POLE2: variants seen among roughly 807,000 people sequenced by gnomAD.
POLE2 encodes the protein DNA polymerase epsilon 2, accessory subunit.
Under a neutral mutation model 79.4 loss-of-function variants are expected in POLE2, and 56 were observed. The observed-to-expected ratio is 0.71, with a 90% CI of 0.57 to 0.88. POLE2 has a LOEUF of 0.88. POLE2 is among the 40% of genes least tolerant of loss of function. The pLI is 0.00. For missense variants in POLE2, 598 were observed against 638.9 expected (o/e 0.94, Z 0.69); for synonymous variants, 212 against 214.0 (o/e 0.99, Z 0.08).
chr14:49,679,695 G>C, intron 3 of POLE2, 30 bp downstream of exon 3: 2 of 1,211,088 alleles, frequency 1.7e-6, no homozygotes, highest in Non-Finnish European at 2.4e-6. Context: ...ACACCTCCAA[G>C]GAGGAAAAAA....
intron 3 of POLE2, among the ~76,000 whole-genome samples, chr14:49,675,508 T>C (rs1886210232): frequency 6.6e-6 from 1 of 152,032 alleles, no homozygotes; most frequent in African/African-American, 2.4e-5. Flanking sequence ...CTTGGCTCAC[T>C]GCAACCTCTT....
intron 2 of POLE2, among the ~76,000 whole-genome samples, 170 bp from the exon 3 acceptor site, chr14:49,679,970 C>G (rs1886583091): frequency 6.6e-6 from 1 of 152,162 alleles, no homozygotes; most frequent in African/African-American, 2.4e-5. Context: ...AGCCTTATCT[C>G]AAATACCTTC....
In POLE2 at chr14:49,665,098, G is replaced by C. The variant is rs1411349282; in HGVS notation, c.633+9C>G. 8.0e-7 allele frequency: 1 copy of C among 1,246,926 alleles called. No homozygotes were observed. Among genetic ancestry groups the C allele is most frequent in the Non-Finnish European group, 1.2e-6 (1 of 856,832 alleles). The allele number at this position is 1,246,926 out of a possible 1,614,324, so 77.2% of individuals were successfully genotyped here. ...CAGATTTTAAAAAATACAGACAAGT[G>C]AAGGATATAGCTTTACTAAGGTCTA... On this transcript the variant is annotated intron_variant, in intron 8 of 18. Transcript: ENST00000216367.
intron 3 of POLE2, among the ~76,000 whole-genome samples, chr14:49,676,688 A>G (rs1886299423): frequency 6.6e-6 from 1 of 152,230 alleles, no homozygotes; most frequent in Admixed American, 6.5e-5. Context: ...GGCCTGAGCC[A>G]TGCACCTCCT....
intron 18 of POLE2, among the ~76,000 whole-genome samples, chr14:49,646,302 G>GTTTTTTTTTTTTTTTTTTTTTTTTTTT (rs1162033821): frequency 2.4e-5 from 2 of 84,578 alleles, no homozygotes; most frequent in South Asian, 5.2e-4. Flanking sequence ...TTTTTTGTTG[G>GTTTTTTTTTTTTTTTTTTTTTTTTTTT]TTTTTTTTTT....
rs367679512 is a variant in POLE2 at position 49,672,270 on chromosome 14, T to C, written c.417+1853A>G. ...TAATTCAATAGGCAGTGAATTTCCT[T>C]GAAAGACTTCTGTACAAAACCCACG... On this transcript the variant is annotated intron_variant, in intron 5 of 18. Coordinates refer to ENST00000216367, the MANE Select transcript of POLE2 (RefSeq NM_002692.4). 2.0e-4 allele frequency among the ~76,000 whole-genome samples: 30 copies of C among 152,320 alleles called. No individual in the cohort carries two copies. The East Asian group carries it at 5.2e-3, about 26-fold the overall frequency.
chr14:49,664,115 G>A (rs990555443), intron 9 of POLE2, among the ~76,000 whole-genome samples: 20 of 151,676 alleles, frequency 1.3e-4, no homozygotes, highest in African/African-American at 4.1e-4. Context: ...TTGGGAGGCC[G>A]AGGCGGGTGG....
At chr14:49,651,886 C>T (rs1303488229) in intron 15 of POLE2, among the ~76,000 whole-genome samples, 1 of 152,002 alleles carries the variant, frequency 6.6e-6, no homozygotes, top group Non-Finnish European at 1.5e-5. Flanking sequence ...GCAAAGGGAA[C>T]AGATGGAGCC....
chr14:49,666,298 C>G, intron 7 of POLE2, 32 bp downstream of exon 7: 1 of 1,131,602 alleles, frequency 8.8e-7, no homozygotes, highest in East Asian at 2.5e-5. Context: ...AATCCAAGGC[C>G]AAAAATAAAA....
At chr14:49,667,385 A>G (rs1764114190) in intron 6 of POLE2, among the ~76,000 whole-genome samples, 1 of 152,150 alleles carries the variant, frequency 6.6e-6, no homozygotes, top group African/African-American at 2.4e-5. Flanking sequence ...TTTTCTACAT[A>G]TAGATTTCCT....
At chr14:49,657,083 A>T (rs558762060) in intron 10 of POLE2, among the ~76,000 whole-genome samples, 2 of 150,228 alleles carry the variant, frequency 1.3e-5, no homozygotes, top group Admixed American at 6.8e-5. Flanking sequence ...ACTGCACTCC[A>T]GCTTGGGCAA....
At chr14:49,673,101 C>G (rs976923271) in intron 5 of POLE2, among the ~76,000 whole-genome samples, 2 of 152,146 alleles carry the variant, frequency 1.3e-5, no homozygotes, top group Non-Finnish European at 2.9e-5. Flanking sequence ...TCCTTCACAT[C>G]CAGACAGTCA....
intron 10 of POLE2, among the ~76,000 whole-genome samples, chr14:49,656,636 GA>G (rs1038471820): frequency 5.3e-5 from 8 of 151,992 alleles, no homozygotes; most frequent in African/African-American, 1.9e-4. Context: ...GGGTCAGTAG[GA>G]AAGTGGGTAA....
chr14:49,678,242 A>G (rs1886441402), intron 3 of POLE2, among the ~76,000 whole-genome samples: 1 of 152,034 alleles, frequency 6.6e-6, no homozygotes, highest in Non-Finnish European at 1.5e-5. Context: ...ACCTCAGGTG[A>G]TCTGCCCACC....
In POLE2 at chr14:49,653,987, T is replaced by C. The variant is rs1349330162; in HGVS notation, c.1211+3A>G. On this transcript the variant is annotated splice_donor_region_variant and intron_variant, in intron 15 of 18. Transcript: ENST00000216367. ...ATGTATAACACAAAATACTAATTCT[T>C]ACCTGCAAGGATTAGTAGTAAAAAC... 6.7e-7 allele frequency: 1 copy of C among 1,501,502 alleles called. No homozygotes were observed. Among genetic ancestry groups the C allele is most frequent in the Non-Finnish European group, 9.2e-7 (1 of 1,081,288 alleles). 93.0% of individuals were successfully genotyped at this position (1,501,502 alleles called of 1,614,324 possible).
In POLE2 at chr14:49,650,416, C is replaced by T; in HGVS notation, c.1346G>A (p.Gly449Glu). 1 of 1,548,080 alleles carries T rather than the reference C, an allele frequency of 6.5e-7. No homozygotes were observed. The highest frequency in any genetic ancestry group is 8.7e-7 in the Non-Finnish European group (1 of 1,144,460). ...ATAAAGAGGTAGGGGAGTCAGATGT[C>T]CTTGGGATAAGATAGTCTTTACAAA... ...NHFVKTILSQGHLTPLPLYVC... is the reference protein window; with the variant it reads ...NHFVKTILSQEHLTPLPLYVC... The change falls in exon 17 of 19, where the codon GGA becomes GAA. Residue 449 changes from glycine to glutamate, a missense_variant. By Grantham distance (98) the Gly-to-Glu change is moderately conservative. Transcript: ENST00000216367.
At position 49,683,700 on chromosome 14, in the gene POLE2, A is replaced by C. The variant is rs111244564; in HGVS notation, c.69-7T>G. On this transcript the variant is annotated splice_polypyrimidine_tract_variant and splice_region_variant and intron_variant, in intron 1 of 18. Coordinates refer to ENST00000216367, the MANE Select transcript of POLE2 (RefSeq NM_002692.4). ...GAGGTACTTAATAGCTTCACTAAGA[A>C]AAGGAAAGGAAAAATGAGGCAGGTC... The C allele has an allele frequency of 2.6e-5, 37 of 1,410,464 alleles. No individual in the cohort carries two copies. The highest frequency in any genetic ancestry group is 2.4e-4 in the African/African-American group (17 of 70,160). 87.4% of individuals were successfully genotyped at this position (1,410,464 alleles called of 1,614,324 possible).
At chr14:49,677,546 C>G (rs1000173169) in intron 3 of POLE2, 1 of 479,966 alleles carries the variant, frequency 2.1e-6, no homozygotes, top group African/African-American at 2.0e-5. Flanking sequence ...CCGGACTAGG[C>G]GACCCAGCAG....
Position 49,654,215 on chromosome 14 carries a change from C to A in POLE2, c.1074-1G>T, listed in dbSNP as rs368577291. ...ACCAGGTACAAACACAAAACGACTACTGTAGCAAAATTCAACACAATTCAT... is the reference window on the plus strand; with the variant it reads ...ACCAGGTACAAACACAAAACGACTAATGTAGCAAAATTCAACACAATTCAT... On this transcript the variant is annotated splice_acceptor_variant, in intron 13 of 18. Coordinates refer to ENST00000216367, the MANE Select transcript of POLE2 (RefSeq NM_002692.4). LOFTEE classifies it high-confidence loss of function. 18 of 1,602,062 alleles carry A rather than the reference C, an allele frequency of 1.1e-5. No homozygotes were observed. Among genetic ancestry groups the A allele is most frequent in the Non-Finnish European group, 1.5e-5 (18 of 1,170,834 alleles).
Sources: gnomAD v4.1 joint callset for allele counts (sites outside exome capture counted in the v4.1 genomes callset) on GRCh38, gnomAD v4.1.1 for gene constraint, MANE v1.5 for transcripts, NCBI Gene and HGNC (gene_info 2026-07-23, HGNC 2026-07-21) for gene names.